Variants in DGKI observed in about 807,000 individuals in gnomAD.
DGKI encodes DAG kinase iota.
DGKI carries 55 observed loss-of-function variants against 147.5 expected under a neutral mutation model. The ratio of observed to expected loss-of-function variants is 0.37; its 90% confidence interval spans 0.30 to 0.47. The LOEUF is 0.47. Among genes scored for constraint, DGKI ranks in the 20% least tolerant of loss-of-function variants. The pLI is 1.00. For missense variants in DGKI, 1,007 were observed against 1,323.8 expected (o/e 0.76, Z 3.71); for synonymous variants, 469 against 477.1 (o/e 0.98, Z 0.22).
chr7:137,424,733 T>A (rs1033982842), intron 28 of DGKI, among the ~76,000 whole-genome samples: 1 of 152,164 alleles, frequency 6.6e-6, no homozygotes, highest in African/African-American at 2.4e-5. Context: ...ACCAGGAGAT[T>A]ATATCTCGCA....
chr7:137,692,865 A>G (rs1346306908), intron 1 of DGKI, among the ~76,000 whole-genome samples: 3 of 152,208 alleles, frequency 2.0e-5, no homozygotes, highest in Admixed American at 2.0e-4. Flanking sequence ...AATTAGGAGA[A>G]AAAAATAAGT....
At chr7:137,408,534 A>C (rs1812046946) in intron 29 of DGKI, among the ~76,000 whole-genome samples, 1 of 152,176 alleles carries the variant, frequency 6.6e-6, no homozygotes, top group African/African-American at 2.4e-5. Flanking sequence ...ATACACACGC[A>C]TGCATGCATG....
In DGKI at chr7:137,466,623, A is replaced by G. The variant is rs574685110; in HGVS notation, c.2484+279T>C. 1.5e-3 allele frequency among the ~76,000 whole-genome samples: 236 copies of G among 152,322 alleles called. 1 individual carries two copies. Among genetic ancestry groups the G allele is most frequent in the Non-Finnish European group, 3.1e-3 (209 of 68,028 alleles). Reference sequence around the variant, plus strand: ...GAAATTTGGCTAAAAAGGAGTAAAAATATCTTTGTGAATGAAAATTTGGAG... The same window carrying G: ...GAAATTTGGCTAAAAAGGAGTAAAAGTATCTTTGTGAATGAAAATTTGGAG... On this transcript the variant is annotated intron_variant, in intron 25 of 32. Transcript: ENST00000614521.
At chr7:137,823,704 G>A (rs530601997) in intron 1 of DGKI, among the ~76,000 whole-genome samples, 60 of 152,292 alleles carry the variant, frequency 3.9e-4, no homozygotes, top group African/African-American at 7.2e-4. Flanking sequence ...GGAGAAGAAC[G>A]GAAGCTATGT....
At position 137,600,929 on chromosome 7, in the gene DGKI, C is replaced by T. The variant is rs115955533; in HGVS notation, c.1168-1024G>A. On this transcript the variant is annotated intron_variant, in intron 10 of 32. Coordinates refer to ENST00000614521, the MANE Select transcript of DGKI (RefSeq NM_001321708.2). The stretch of plus-strand genomic sequence containing the variant: ...TTATAGAGATCATCATTACAGCAGA[C>T]ATAAGGTCACTTTAGAGATCATTTT... 9.6e-3 allele frequency among the ~76,000 whole-genome samples: 1,458 copies of T among 152,236 alleles called. 14 individuals are homozygous for T. Among genetic ancestry groups the T allele is most frequent in the Middle Eastern group, 0.024 (7 of 294 alleles).
intron 21 of DGKI, among the ~76,000 whole-genome samples, chr7:137,498,081 T>C (rs1285285056): frequency 6.6e-6 from 1 of 151,930 alleles, no homozygotes; most frequent in African/African-American, 2.4e-5. Context: ...AAAATTATAA[T>C]ATTAAATGAT....
intron 31 of DGKI, 86 bp from the exon 32 acceptor site, chr7:137,395,783 C>T: frequency 8.2e-7 from 1 of 1,219,780 alleles, no homozygotes; most frequent in Non-Finnish European, 1.2e-6. Flanking sequence ...TAGGGTGCTC[C>T]TCAGCCTCCT....
intron 1 of DGKI, among the ~76,000 whole-genome samples, chr7:137,785,329 A>G (rs1039479759): frequency 3.3e-5 from 5 of 152,028 alleles, no homozygotes; most frequent in African/African-American, 9.6e-5. Flanking sequence ...CAAGGCTACT[A>G]TGAACACCTT....
At chr7:137,843,814 CCTT>C (rs1362119409) in intron 1 of DGKI, among the ~76,000 whole-genome samples, 1 of 151,548 alleles carries the variant, frequency 6.6e-6, no homozygotes, top group African/African-American at 2.4e-5. Flanking sequence ...CCCAAAGCCC[CCTT>C]CTTTTTGCCT....
At position 137,438,421 on chromosome 7, in the gene DGKI, G is replaced by A. The variant is rs1286969226; in HGVS notation, c.2761+5656C>T. ...AAGACTAGCAAACATTTTTAAATTAGTTAATATCAAGTGTTGGTGAGGATG... is the reference window on the plus strand; with the variant it reads ...AAGACTAGCAAACATTTTTAAATTAATTAATATCAAGTGTTGGTGAGGATG... On this transcript the variant is annotated intron_variant, in intron 28 of 32. Coordinates refer to ENST00000614521, the MANE Select transcript of DGKI (RefSeq NM_001321708.2). Among the ~76,000 whole-genome samples the A allele has an allele frequency of 2.0e-5, 3 of 152,076 alleles. No homozygotes were observed. The East Asian group carries it at 5.8e-4, about 29-fold the overall frequency.
At chr7:137,416,109 A>T (rs1473219505) in intron 28 of DGKI, among the ~76,000 whole-genome samples, 1 of 152,194 alleles carries the variant, frequency 6.6e-6, no homozygotes, top group Non-Finnish European at 1.5e-5. Flanking sequence ...CAGAGAAAGA[A>T]AGGAGAAAGG....
rs371025704 is a variant in DGKI at position 137,667,063 on chromosome 7, G to C, written c.607-10523C>G. ...TCAACTCATCAGATGCAATCTTCCT[G>C]ATTTTGGCTCTTTACAGGTGGTTTT... On this transcript the variant is annotated intron_variant, in intron 3 of 32. Coordinates refer to ENST00000614521, the MANE Select transcript of DGKI (RefSeq NM_001321708.2). Among the ~76,000 whole-genome samples the C allele has an allele frequency of 1.4e-4, 21 of 152,190 alleles. No homozygotes were observed. The South Asian group carries it at 4.2e-3, about 30-fold the overall frequency.
At chr7:137,722,621 T>C (rs1794599651) in intron 1 of DGKI, 1 of 1,584,516 alleles carries the variant, frequency 6.3e-7, no homozygotes, top group African/African-American at 1.3e-5. Context: ...CCAAAACATC[T>C]TACTGATGCT....
At position 137,694,845 on chromosome 7, in the gene DGKI, C is replaced by T. The variant is rs113862373; in HGVS notation, c.402-4843G>A. ...CACGCAATAAAAAAATTGTCCCAAG[C>T]CCCGCACAAACTTCACCTCTGATTT... is the stretch of plus-strand genomic sequence containing the variant. On this transcript the variant is annotated intron_variant, in intron 1 of 32. Coordinates refer to ENST00000614521, the MANE Select transcript of DGKI (RefSeq NM_001321708.2). 4.9e-4 allele frequency among the ~76,000 whole-genome samples: 74 copies of T among 152,302 alleles called. 1 individual carries two copies. The highest frequency in any genetic ancestry group is 1.8e-3 in the African/African-American group (73 of 41,554).
At chr7:137,672,446 G>A (rs762605998) in intron 3 of DGKI, among the ~76,000 whole-genome samples, 5 of 152,178 alleles carry the variant, frequency 3.3e-5, no homozygotes, top group African/African-American at 4.8e-5. Flanking sequence ...CATTGTGTGA[G>A]CATTTCTCAA....
At chr7:137,780,054 C>G (rs969235395) in intron 1 of DGKI, among the ~76,000 whole-genome samples, 1 of 152,138 alleles carries the variant, frequency 6.6e-6, no homozygotes, top group Non-Finnish European at 1.5e-5. Flanking sequence ...CCAAGTCATT[C>G]ATAACAGAAC....
chr7:137,484,378 A>G (rs1815478648), intron 23 of DGKI, among the ~76,000 whole-genome samples: 1 of 152,094 alleles, frequency 6.6e-6, no homozygotes, highest in African/African-American at 2.4e-5. Context: ...CTAAACCAGG[A>G]TTTTCACATT....
intron 3 of DGKI, among the ~76,000 whole-genome samples, chr7:137,676,715 T>C (rs189998302): frequency 2.0e-3 from 311 of 152,344 alleles, no homozygotes; most frequent in African/African-American, 7.1e-3. Context: ...TTCCTACTTC[T>C]ACCTAAAATT....
chr7:137,698,007 T>C (rs1365335711), intron 1 of DGKI, among the ~76,000 whole-genome samples: 2 of 151,348 alleles, frequency 1.3e-5, no homozygotes, highest in Admixed American at 1.3e-4. Context: ...TCCAGATAGA[T>C]AGCTATAGAT....
Sources: gnomAD v4.1 joint callset for allele counts (sites outside exome capture counted in the v4.1 genomes callset) on GRCh38, gnomAD v4.1.1 for gene constraint, MANE v1.5 for transcripts, NCBI Gene and HGNC (gene_info 2026-07-23, HGNC 2026-07-21) for gene names.